The following ITIH5 variants were observed in gnomAD, a reference collection of about 807,000 sequenced individuals.
The protein encoded by ITIH5 is inter-alpha-trypsin inhibitor heavy chain 5.
In ITIH5, 65 loss-of-function variants were observed where a neutral mutation model predicts 77.5. The ratio of observed to expected loss-of-function variants is 0.84; its 90% CI spans 0.69 to 1.03. The LOEUF (loss-of-function observed/expected upper bound fraction) is 1.03. Among genes scored for constraint, ITIH5 ranks in the 50% least tolerant of loss-of-function variants. The probability of loss-of-function intolerance (pLI) is 0.00; values close to 1 mark genes in which losing one functional copy is unlikely to be tolerated. For missense variants in ITIH5, 1,208 were observed against 1,213.1 expected (o/e 1.00, Z 0.06); for synonymous variants, 525 against 494.3 (o/e 1.06, Z -0.82).
At position 7,617,368 on chromosome 10, in the gene ITIH5, T is replaced by C. The variant is rs1053672352; in HGVS notation, c.653-86A>G. 1.9e-5 allele frequency: 16 copies of C among 856,756 alleles called. No individual in the cohort carries two copies. The African/African-American group carries it at 2.6e-4, about 14-fold the overall frequency. The allele number at this position is 856,756 out of a possible 1,614,324, so 53.1% of individuals were successfully genotyped here. On this transcript the variant is annotated intron_variant, in intron 5 of 13. Transcript: ENST00000397146. ...AAACTGTTTGGCAGACACAGAGTTT[T>C]AGATTTCATTTTATTACAGGCTTGT...
At chr10:7,639,408 C>A (rs1426121099) in intron 4 of ITIH5, among the ~76,000 whole-genome samples, 1 of 152,212 alleles carries the variant, frequency 6.6e-6, no homozygotes, top group Non-Finnish European at 1.5e-5. Context: ...TTGAAAATCC[C>A]TTATCTGAAG....
At chr10:7,607,259 C>CA (rs1365322210) in intron 7 of ITIH5, among the ~76,000 whole-genome samples, 5 of 152,222 alleles carry the variant, frequency 3.3e-5, no homozygotes, top group African/African-American at 1.2e-4. Flanking sequence ...GGAACACAAT[C>CA]ACACCCATTT....
intron 13 of ITIH5, 111 bp from the exon 14 acceptor site, chr10:7,563,495 A>G (rs1175667778): frequency 2.4e-6 from 2 of 838,848 alleles, no homozygotes; most frequent in East Asian, 5.3e-5. Context: ...CCACAGCCCG[A>G]GACTGGACTC....
At chr10:7,664,071 C>T (rs1010758545) in intron 1 of ITIH5, among the ~76,000 whole-genome samples, 2 of 152,176 alleles carry the variant, frequency 1.3e-5, no homozygotes, top group East Asian at 1.9e-4. Context: ...CTTTTAAATA[C>T]TAATTTCCCA....
At chr10:7,644,810 CATATATATCAT>C (rs1418295577) in intron 2 of ITIH5, among the ~76,000 whole-genome samples, 55 of 121,294 alleles carry the variant, frequency 4.5e-4, no homozygotes, top group East Asian at 1.6e-3. Context: ...ATATATATCA[CATATATATCAT>C]ATATATCACA....
intron 1 of ITIH5, among the ~76,000 whole-genome samples, chr10:7,662,776 C>T (rs1834297743): frequency 6.6e-6 from 1 of 152,148 alleles, no homozygotes; most frequent in Non-Finnish European, 1.5e-5. Flanking sequence ...GCACTCTGCC[C>T]TACAAACTCA....
chr10:7,596,631 ACCATCAC>A (rs1342586094), intron 7 of ITIH5, among the ~76,000 whole-genome samples: 1 of 152,152 alleles, frequency 6.6e-6, no homozygotes, highest in African/African-American at 2.4e-5. Context: ...CCTGAGTGGC[ACCATCAC>A]TTGCCTCAGT....
chr10:7,592,685 C>T (rs747763937), intron 7 of ITIH5, among the ~76,000 whole-genome samples: 4 of 152,048 alleles, frequency 2.6e-5, no homozygotes. Context: ...TGATCAATAA[C>T]TCGGAGAACT....
intron 1 of ITIH5, among the ~76,000 whole-genome samples, chr10:7,665,786 G>A (rs1386508597): frequency 6.6e-6 from 1 of 152,204 alleles, no homozygotes; most frequent in Non-Finnish European, 1.5e-5. Context: ...TGCATCCAAA[G>A]CCTGCACTTT....
intron 8 of ITIH5, among the ~76,000 whole-genome samples, chr10:7,583,654 C>T (rs562776557): frequency 1.3e-5 from 2 of 152,274 alleles, no homozygotes; most frequent in East Asian, 3.9e-4. Context: ...TTCTTAAGGT[C>T]CAGTCTAATT....
Position 7,637,246 on chromosome 10 carries a change from C to G in ITIH5, c.634G>C (p.Gly212Arg). ...VLPLHNSRQR[G>R]SGRGEDDSGP... ...GACTCACCTTCCCCGCGCCCACTGCCCCTCTGCCTGCTGTTGTGAAGCGGC... is the reference window on the plus strand; with the variant it reads ...GACTCACCTTCCCCGCGCCCACTGCGCCTCTGCCTGCTGTTGTGAAGCGGC... The change falls in exon 5 of 14, where the codon GGC becomes CGC. Residue 212 changes from glycine (G) to arginine (R), a missense_variant. By Grantham distance (125) the Gly-to-Arg change is moderately radical. Coordinates refer to ENST00000397146, the MANE Select transcript of ITIH5 (RefSeq NM_030569.7). 2 of 1,609,410 alleles carry G rather than the reference C, an allele frequency of 1.2e-6. No homozygotes were observed. The highest frequency in any genetic ancestry group is 1.3e-5 in the African/African-American group (1 of 75,050).
At chr10:7,626,127 C>T (rs1328817469) in intron 5 of ITIH5, among the ~76,000 whole-genome samples, 2 of 152,234 alleles carry the variant, frequency 1.3e-5, no homozygotes, top group African/African-American at 4.8e-5. Flanking sequence ...ATCCCCCGGC[C>T]CACCTCTGGT....
chr10:7,615,929 T>C (rs1023972981), intron 7 of ITIH5, 53 bp downstream of exon 7: 35 of 1,119,708 alleles, frequency 3.1e-5, no homozygotes, highest in South Asian at 2.1e-4. Context: ...AAGCAAGTCA[T>C]TGTCCCAGGC....
At chr10:7,583,271 T>C (rs1254728926) in intron 8 of ITIH5, among the ~76,000 whole-genome samples, 1 of 152,268 alleles carries the variant, frequency 6.6e-6, no homozygotes, top group Non-Finnish European at 1.5e-5. Flanking sequence ...CTTGCTAAGA[T>C]GCAGAGCCCA....
chr10:7,618,432 A>T (rs1358739359), intron 5 of ITIH5: 2 of 152,192 alleles, frequency 1.3e-5, no homozygotes, highest in Non-Finnish European at 2.9e-5. Flanking sequence ...TTTAGTCCTG[A>T]CCTTCATTTC....
At chr10:7,592,858 G>C (rs970387061) in intron 7 of ITIH5, among the ~76,000 whole-genome samples, 1 of 152,096 alleles carries the variant, frequency 6.6e-6, no homozygotes, top group African/African-American at 2.4e-5. Context: ...TGGGATGGGA[G>C]GGACAGCAGC....
chr10:7,659,263 C>T (rs1016012973), intron 1 of ITIH5, among the ~76,000 whole-genome samples: 1 of 151,928 alleles, frequency 6.6e-6, no homozygotes, highest in African/African-American at 2.4e-5. Flanking sequence ...CCTATATTCC[C>T]AGCTACTTGG....
intron 2 of ITIH5, among the ~76,000 whole-genome samples, chr10:7,647,033 C>T (rs895245169): frequency 3.3e-5 from 5 of 152,186 alleles, no homozygotes; most frequent in Non-Finnish European, 7.4e-5. Flanking sequence ...TGCCACTGAA[C>T]AAAAAATATC....
At chr10:7,591,232 A>T (rs189232132) in intron 7 of ITIH5, among the ~76,000 whole-genome samples, 1 of 152,294 alleles carries the variant, frequency 6.6e-6, no homozygotes, top group East Asian at 1.9e-4. Context: ...TCATTAAAAT[A>T]AATGGTCCTG....
Sources: gnomAD v4.1 joint callset for allele counts (sites outside exome capture counted in the v4.1 genomes callset) on GRCh38, gnomAD v4.1.1 for gene constraint, MANE v1.5 for transcripts, NCBI Gene and HGNC (gene_info 2026-07-23, HGNC 2026-07-21) for gene names.